Variants in SIPA1L3 observed in about 807,000 individuals in gnomAD.
The protein encoded by SIPA1L3 is signal induced proliferation associated 1 like 3.
A neutral mutation model predicts 150.1 loss-of-function variants in SIPA1L3; 59 were observed. The ratio of observed to expected loss-of-function variants is 0.39; its 90% CI spans 0.32 to 0.49. The LOEUF is 0.49. Among genes scored for constraint, SIPA1L3 ranks in the 20% least tolerant of loss-of-function variants. The probability of loss-of-function intolerance (pLI) is 0.86; values close to 1 mark genes in which losing one functional copy is unlikely to be tolerated. For missense variants in SIPA1L3, 2,211 were observed against 2,489.5 expected, an observed-to-expected ratio of 0.89 and a Z score of 2.38; for synonymous variants, 1,070 against 1,077.6, an observed-to-expected ratio of 0.99 and a Z score of 0.14.
intron 15 of SIPA1L3, among the ~76,000 whole-genome samples, chr19:38,176,966 C>T (rs915954970): frequency 6.0e-5 from 9 of 149,496 alleles, no homozygotes; most frequent in East Asian, 2.0e-4. Context: ...AGTGAAACTC[C>T]GTCTCAAAAA....
chr19:38,205,403 G>A lies in SIPA1L3; in HGVS notation c.5203-694G>A, dbSNP rs141492321. 4.7e-5 allele frequency among the ~76,000 whole-genome samples: 7 copies of A among 147,852 alleles called. No homozygotes were observed. In the East Asian group the frequency reaches 1.4e-3, roughly 29 times the overall value. On this transcript the variant is annotated intron_variant, in intron 21 of 21. Transcript: ENST00000222345. ...ACCCAGGAGGCGGAGATTGCAGTGAGCCGAGATCATGCCTCTGCACTCCAG... is the reference window on the plus strand; with the variant it reads ...ACCCAGGAGGCGGAGATTGCAGTGAACCGAGATCATGCCTCTGCACTCCAG...
At position 38,106,591 on chromosome 19, in the gene SIPA1L3, T is replaced by C; in HGVS notation, c.2084T>C (p.Met695Thr). 1 of 1,614,096 alleles carries C rather than the reference T, an allele frequency of 6.2e-7. No individual in the cohort carries two copies. Among genetic ancestry groups the C allele is most frequent in the Admixed American group, 1.7e-5 (1 of 60,016 alleles). ...ACGATGTACCAGGACTACGAGATCA[T>C]GTTCCATGTCTCCACCCTGCTCCCT... ...LYTMYQDYEI[M>T]FHVSTLLPYT... The change falls in exon 7 of 22, where the codon ATG becomes ACG. Residue 695 changes from methionine to threonine, a missense_variant. Physicochemically the swap from Met to Thr is moderately conservative, Grantham distance 81. Coordinates refer to ENST00000222345, the MANE Select transcript of SIPA1L3 (RefSeq NM_015073.3).
chr19:38,181,320 A>T (rs1037317297), intron 15 of SIPA1L3, among the ~76,000 whole-genome samples: 2 of 152,186 alleles, frequency 1.3e-5, no homozygotes, highest in Non-Finnish European at 2.9e-5. Context: ...TGACCCTCAA[A>T]AGGGATTTAT....
rs113371583 is a variant in SIPA1L3, at chr19:38,092,808, G to C, written c.1665+3957G>C. 1.2e-3 allele frequency among the ~76,000 whole-genome samples: 175 copies of C among 151,998 alleles called. 1 individual carries two copies. The highest frequency in any genetic ancestry group is 4.0e-3 in the African/African-American group (164 of 41,444). Reference sequence around the variant, plus strand: ...TAGGTGCTTCCCATGGTGACAAGGTGGGGGACAAAGCAAGGAGGAATGATG... The same window carrying C: ...TAGGTGCTTCCCATGGTGACAAGGTCGGGGACAAAGCAAGGAGGAATGATG... On this transcript the variant is annotated intron_variant, in intron 4 of 21. Coordinates refer to ENST00000222345, the MANE Select transcript of SIPA1L3 (RefSeq NM_015073.3).
At chr19:38,040,754 C>A (rs1968899016) in intron 2 of SIPA1L3, among the ~76,000 whole-genome samples, 1 of 152,170 alleles carries the variant, frequency 6.6e-6, no homozygotes. Context: ...GTCTTAAAAT[C>A]ATTTGTCCCT....
At chr19:38,116,525 CAAA>C (rs1197701775) in intron 8 of SIPA1L3, among the ~76,000 whole-genome samples, 8 of 83,404 alleles carry the variant, frequency 9.6e-5, no homozygotes, top group Admixed American at 2.8e-4. Flanking sequence ...GACTCTGTCT[CAAA>C]AAAAAAAAAA....
At chr19:38,008,605 G>T (rs1354452222) in intron 1 of SIPA1L3, among the ~76,000 whole-genome samples, 1 of 151,874 alleles carries the variant, frequency 6.6e-6, no homozygotes, top group Non-Finnish European at 1.5e-5. Flanking sequence ...CTTAGAGACA[G>T]AAGTACAATG....
intron 8 of SIPA1L3, among the ~76,000 whole-genome samples, chr19:38,111,724 C>T (rs1425111006): frequency 3.3e-5 from 5 of 152,204 alleles, no homozygotes; most frequent in Non-Finnish European, 7.4e-5. Flanking sequence ...GCAGGGCCTC[C>T]TTACAGGCAT....
intron 18 of SIPA1L3, among the ~76,000 whole-genome samples, chr19:38,196,823 C>T (rs919087444): frequency 1.3e-5 from 2 of 152,162 alleles, no homozygotes; most frequent in Admixed American, 6.5e-5. Context: ...CTCGTTCATT[C>T]AGCCAGCACT....
At position 38,208,069 on chromosome 19, in the gene SIPA1L3, C is replaced by G. The variant is rs1416699772; in HGVS notation, c.*1829C>G. 1 of 129,792 alleles carries G rather than the reference C, an allele frequency of 7.7e-6. No individual in the cohort carries two copies. Among genetic ancestry groups the G allele is most frequent in the Non-Finnish European group, 1.6e-5 (1 of 63,792 alleles). 8.0% of individuals were successfully genotyped at this position (129,792 alleles called of 1,614,324 possible). A position where few individuals can be genotyped will look rare whatever the true frequency, so the allele number is the denominator to read the frequency against. On this transcript the variant is annotated 3_prime_UTR_variant, in exon 22 of 22. Coordinates refer to ENST00000222345, the MANE Select transcript of SIPA1L3 (RefSeq NM_015073.3). ...TTTTTCAGTTGTCTCCTCCCATCTT[C>G]AGATCATTCGAATCATTTTGGGGAC... is the stretch of plus-strand genomic sequence containing the variant.
chr19:38,110,521 C>A, intron 8 of SIPA1L3, 137 bp downstream of exon 8: 1 of 589,560 alleles, frequency 1.7e-6, no homozygotes. Flanking sequence ...CTCCCCACAC[C>A]ATCTCAGAGA....
Position 38,035,974 on chromosome 19 carries a change from T to A in SIPA1L3, c.-311+6818T>A, listed in dbSNP as rs1263325365. 2.6e-5 allele frequency among the ~76,000 whole-genome samples: 4 copies of A among 152,364 alleles called. No individual in the cohort carries two copies. The East Asian group carries it at 7.7e-4, about 29-fold the overall frequency. ...GCCTAGGTGTAGCAGGACTGTGTTC[T>A]GGGAGCAGAGTTCATACAGCGAAAG... On this transcript the variant is annotated intron_variant, in intron 2 of 21. Coordinates refer to ENST00000222345, the MANE Select transcript of SIPA1L3 (RefSeq NM_015073.3).
chr19:38,080,544 A>G (rs531627567), intron 2 of SIPA1L3, among the ~76,000 whole-genome samples: 211 of 152,352 alleles, frequency 1.4e-3, no homozygotes, highest in African/African-American at 4.8e-3. Flanking sequence ...TGGGAAATGT[A>G]ATGCAGGCAG....
At chr19:38,128,046 C>A (rs1054779478) in intron 9 of SIPA1L3, among the ~76,000 whole-genome samples, 1 of 66,576 alleles carries the variant, frequency 1.5e-5, no homozygotes. Flanking sequence ...CCTTGGGCCT[C>A]TTTTTTTTTT....
rs141710131 is a variant in SIPA1L3, at chr19:38,082,719, C to A, written c.1154C>A (p.Thr385Lys). ...GCCGCCTCGGCCATGGCCTCCCTCACGGCCTCGCGGGCCCACAGCCTCGGA... is the reference window on the plus strand; with the variant it reads ...GCCGCCTCGGCCATGGCCTCCCTCAAGGCCTCGCGGGCCCACAGCCTCGGA... ...ASAASAMASL[T>K]ASRAHSLGGL... Residue 385 changes from threonine (T) to lysine (K), a missense_variant, in exon 3 of 22, where the codon ACG (threonine) becomes AAG (lysine). Thr to Lys is a moderately conservative substitution (Grantham distance 78). This residue lies in a region of SIPA1L3 where 587 missense variants were observed against 534.5 expected (regional missense o/e 1.10). Transcript: ENST00000222345. 17 of 1,611,748 alleles carry A rather than the reference C, an allele frequency of 1.1e-5. No homozygotes were observed. The South Asian group carries it at 1.4e-4, about 14-fold the overall frequency.
chr19:38,197,624 C>G (rs1972990154), intron 18 of SIPA1L3, among the ~76,000 whole-genome samples: 1 of 152,182 alleles, frequency 6.6e-6, no homozygotes, highest in African/African-American at 2.4e-5. Context: ...GCCATCTCCA[C>G]CGAGCACCTC....
At chr19:38,187,868 G>C (rs1972721985) in intron 16 of SIPA1L3, among the ~76,000 whole-genome samples, 1 of 151,616 alleles carries the variant, frequency 6.6e-6, no homozygotes, top group Middle Eastern at 3.2e-3. Flanking sequence ...ATGATGGCAG[G>C]TGCCTGTAGT....
intron 1 of SIPA1L3, among the ~76,000 whole-genome samples, chr19:38,000,476 C>CAAAAAA (rs931671031): frequency 2.3e-5 from 1 of 44,034 alleles, no homozygotes; most frequent in Non-Finnish European, 4.6e-5. Context: ...GACTCTGTCT[C>CAAAAAA]AAAAAAAAAA....
chr19:38,201,723 T>A, intron 19 of SIPA1L3, 139 bp from the exon 20 acceptor site: 1 of 888,508 alleles, frequency 1.1e-6, no homozygotes, highest in Non-Finnish European at 1.6e-6. Flanking sequence ...TTGGCAAGAA[T>A]CTATCTAAGT....
Sources: allele counts gnomAD v4.1 joint callset (sites outside exome capture counted in the v4.1 genomes callset), GRCh38; gene constraint gnomAD v4.1.1; regional missense constraint gnomAD v4.1.1; transcripts MANE v1.5; gene names NCBI Gene and HGNC (gene_info 2026-07-23, HGNC 2026-07-21).